NSUN6: variants seen among roughly 807,000 people sequenced by gnomAD.
NSUN6 encodes NOP2/Sun RNA methyltransferase 6, also known as tRNA (cytosine(72)-C(5))-methyltransferase NSUN6.
In NSUN6, 64 loss-of-function variants were observed where a neutral mutation model predicts 58.0. The observed-to-expected ratio is 1.10, with a 90% confidence interval of 0.90 to 1.36. NSUN6 has a LOEUF of 1.36. Among genes scored for constraint, NSUN6 ranks in the 40% most tolerant of loss-of-function variants. The probability of loss-of-function intolerance (pLI) is 0.00; values close to 1 mark genes in which losing one functional copy is unlikely to be tolerated. For synonymous variants in NSUN6, 231 were observed against 193.9 expected, an observed-to-expected ratio of 1.19 and a Z score of -1.59; for missense variants, 701 against 550.1, an observed-to-expected ratio of 1.27 and a Z score of -2.74.
At chr10:18,640,902 T>C (rs1031015835) in intron 3 of NSUN6, among the ~76,000 whole-genome samples, 1 of 151,980 alleles carries the variant, frequency 6.6e-6, no homozygotes, top group African/African-American at 2.4e-5. Context: ...AATTTCCTTT[T>C]ATTTCCCCCC....
At chr10:18,639,609 T>C (rs2059332233) in intron 3 of NSUN6, among the ~76,000 whole-genome samples, 1 of 152,206 alleles carries the variant, frequency 6.6e-6, no homozygotes, top group South Asian at 2.1e-4. Context: ...GGTATGTGAA[T>C]AATTTTTTCA....
intron 6 of NSUN6, among the ~76,000 whole-genome samples, chr10:18,601,183 AG>A (rs2057824932): frequency 6.6e-6 from 1 of 151,702 alleles, no homozygotes; most frequent in Non-Finnish European, 1.5e-5. Flanking sequence ...CAAAGTGCCT[AG>A]CACAAAGCCA....
chr10:18,555,906 A>AATT (rs1554850206), intron 8 of NSUN6, among the ~76,000 whole-genome samples: 1 of 140,502 alleles, frequency 7.1e-6, no homozygotes, highest in African/African-American at 2.7e-5. Flanking sequence ...AATGGAATGG[A>AATT]GAATGGAATG....
intron 2 of NSUN6, 84 bp downstream of exon 2, chr10:18,648,406 T>G (rs1418645141): frequency 1.2e-6 from 1 of 834,362 alleles, no homozygotes; most frequent in East Asian, 2.5e-5. Context: ...GGAAGTGTAT[T>G]ATATCATTCA....
At chr10:18,569,033 C>T (rs1209955606) in intron 8 of NSUN6, among the ~76,000 whole-genome samples, 2 of 151,098 alleles carry the variant, frequency 1.3e-5, no homozygotes, top group Non-Finnish European at 3.0e-5. Context: ...ATTACATTCT[C>T]TATTCAATTC....
chr10:18,616,198 A>T lies in NSUN6; in HGVS notation c.407T>A (p.Val136Glu). The T allele has an allele frequency of 1.3e-6, 2 of 1,568,354 alleles. No homozygotes were observed. ...RGAHVYAPGI[V>E]SASQFMKAGD... ...ATTATACTTACATTGTGATGCTGAC[A>T]CAATTCCTGGGGCATAGACATGGGC... Residue 136 changes from valine (V) to glutamate (E), a missense_variant, in exon 4 of 11, where the codon GTG becomes GAG. Transcript: ENST00000377304.
At chr10:18,609,365 C>A (rs888506106) in intron 6 of NSUN6, among the ~76,000 whole-genome samples, 2 of 151,968 alleles carry the variant, frequency 1.3e-5, no homozygotes, top group African/African-American at 2.4e-5. Context: ...GGGCAGCACA[C>A]AACATTTGGA....
intron 8 of NSUN6, among the ~76,000 whole-genome samples, chr10:18,572,027 C>G (rs764874333): frequency 6.7e-6 from 1 of 150,218 alleles, no homozygotes; most frequent in Non-Finnish European, 1.5e-5. Context: ...GCATTTCATT[C>G]TCCACTGCAT....
intron 6 of NSUN6, among the ~76,000 whole-genome samples, chr10:18,598,143 C>G (rs1400842810): frequency 6.6e-6 from 1 of 152,186 alleles, no homozygotes; most frequent in Non-Finnish European, 1.5e-5. Context: ...GTAATCTCCC[C>G]CACCCTTAAG....
At chr10:18,628,150 C>T (rs2058892599) in intron 3 of NSUN6, among the ~76,000 whole-genome samples, 2 of 152,212 alleles carry the variant, frequency 1.3e-5, no homozygotes, top group African/African-American at 4.8e-5. Flanking sequence ...GGCAGACTGA[C>T]ACCTCACACG....
intron 6 of NSUN6, among the ~76,000 whole-genome samples, chr10:18,599,362 G>C (rs2057717735): frequency 6.6e-6 from 1 of 152,180 alleles, no homozygotes; most frequent in South Asian, 2.1e-4. Flanking sequence ...AAAGTGCTGG[G>C]ATTACAGCTG....
At chr10:18,601,977 G>A (rs561655185) in intron 6 of NSUN6, among the ~76,000 whole-genome samples, 59 of 149,048 alleles carry the variant, frequency 4.0e-4, no homozygotes, top group Admixed American at 1.2e-3. Context: ...TATCTCGGGG[G>A]AAAAAAAAAG....
chr10:18,635,280 T>C (rs1054961675), intron 3 of NSUN6, among the ~76,000 whole-genome samples: 1 of 152,206 alleles, frequency 6.6e-6, no homozygotes, highest in Admixed American at 6.5e-5. Flanking sequence ...TCTTTTCCCT[T>C]GCTGGTTTTG....
Position 18,545,997 on chromosome 10 carries a change from C to A in NSUN6, c.1346G>T (p.Arg449Leu), listed in dbSNP as rs143541626. 5 of 1,581,300 alleles carry A rather than the reference C, an allele frequency of 3.2e-6. No individual in the cohort carries two copies. In the African/African-American group the frequency reaches 5.5e-5, roughly 17 times the overall value. The change falls in exon 11 of 11, where the codon CGT (arginine) becomes CTT (leucine). Residue 449 changes from arginine (R) to leucine (L), a missense_variant. Arg to Leu is a moderately radical substitution (Grantham distance 102, BLOSUM62 -2). Transcript: ENST00000377304. ...LREARREDMLRLANKDSIGFF... is the reference protein window; with the variant it reads ...LREARREDMLLLANKDSIGFF... ...ACCTATAGAGTCCTTATTAGCCAGA[C>A]GCAACATGTCTTCTCTTCTGGCCTC... is the stretch of plus-strand genomic sequence containing the variant.
chr10:18,551,656 G>C (rs543005776), intron 9 of NSUN6, 167 bp downstream of exon 9: 249 of 507,452 alleles, frequency 4.9e-4, no homozygotes, highest in African/African-American at 4.1e-3. Context: ...AATGTTCCAT[G>C]TATGGATATA....
chr10:18,600,470 A>G (rs4466722), intron 6 of NSUN6, among the ~76,000 whole-genome samples: 7,952 of 152,140 alleles, frequency 0.052, 290 homozygotes, highest in Non-Finnish European at 0.077. Flanking sequence ...ATAAAAAAAT[A>G]AAAAATTGGC....
At chr10:18,614,029 T>G (rs139130369) in intron 5 of NSUN6, among the ~76,000 whole-genome samples, 106 of 152,296 alleles carry the variant, frequency 7.0e-4, no homozygotes, top group African/African-American at 2.5e-3. Flanking sequence ...CAAATATTCA[T>G]GTGAGTGCTA....
intron 6 of NSUN6, among the ~76,000 whole-genome samples, chr10:18,604,839 T>C (rs974772605): frequency 1.3e-5 from 2 of 150,180 alleles, no homozygotes; most frequent in Non-Finnish European, 3.0e-5. Flanking sequence ...TGAGCCGAGA[T>C]CGTGACACTT....
intron 8 of NSUN6, among the ~76,000 whole-genome samples, chr10:18,567,451 CTCCAT>C (rs1035598643): frequency 6.7e-6 from 1 of 149,772 alleles, no homozygotes; most frequent in Non-Finnish European, 1.5e-5. Context: ...CCATTCCATG[CTCCAT>C]TCCATTCCAT....
Sources: gnomAD v4.1 joint callset for allele counts (sites outside exome capture counted in the v4.1 genomes callset) on GRCh38, gnomAD v4.1.1 for gene constraint, MANE v1.5 for transcripts, NCBI Gene and HGNC (gene_info 2026-07-23, HGNC 2026-07-21) for gene names.